XIRP2: variants seen among roughly 807,000 people sequenced by gnomAD.
XIRP2 encodes the protein xin actin-binding repeat-containing protein 2.
Under a neutral mutation model 277.0 loss-of-function variants are expected in XIRP2, and 236 were observed. The observed-to-expected ratio is 0.85, with a 90% CI of 0.77 to 0.95. The LOEUF (loss-of-function observed/expected upper bound fraction) is 0.95, where lower values mean the gene tolerates loss of function less well. Among genes scored for constraint, XIRP2 ranks in the 40% least tolerant of loss-of-function variants. The pLI is 0.00. For synonymous variants in XIRP2, 1,490 were observed against 1,416.5 expected, an observed-to-expected ratio of 1.05 and a Z score of -1.17; for missense variants, 4,640 against 4,157.5, an observed-to-expected ratio of 1.12 and a Z score of -3.19.
chr2:167,169,375 G>T (rs1027946022), intron 3 of XIRP2, among the ~76,000 whole-genome samples: 1 of 152,174 alleles, frequency 6.6e-6, no homozygotes, highest in African/African-American at 2.4e-5. Context: ...TCTCAGAGTA[G>T]TCCACACTGG....
chr2:167,083,081 T>C (rs1689794725), intron 2 of XIRP2, among the ~76,000 whole-genome samples: 1 of 152,220 alleles, frequency 6.6e-6, no homozygotes, highest in African/African-American at 2.4e-5. Flanking sequence ...GTTTTAGGTC[T>C]AACATTTAAG....
chr2:167,254,256 G>C, intron 10 of XIRP2, 91 bp downstream of exon 10: 1 of 1,332,682 alleles, frequency 7.5e-7, no homozygotes, highest in Non-Finnish European at 9.7e-7. Flanking sequence ...CATTTTTCCA[G>C]ATCTTGTTGC....
At chr2:167,202,997 C>T (rs890584961) in intron 3 of XIRP2, among the ~76,000 whole-genome samples, 5 of 152,174 alleles carry the variant, frequency 3.3e-5, no homozygotes, top group African/African-American at 1.2e-4. Context: ...TTTTCTCTCC[C>T]ATTTCAGTCA....
chr2:167,249,259 G>T lies in XIRP2; in HGVS notation c.7867G>T (p.Val2623Leu). The change falls in exon 9 of 11, where the codon GTG becomes TTG. Residue 2623 changes from valine to leucine, a missense_variant. Transcript: ENST00000409195. ...GSQSNARILG[V>L]CSDNQLSTTS... ...TCAAAGTAATGCTCGGATACTAGGA[G>T]TGTGTTCTGATAACCAACTCTCCAC... 1 of 1,613,798 alleles carries T rather than the reference G, an allele frequency of 6.2e-7. No homozygotes were observed. Among genetic ancestry groups the T allele is most frequent in the Non-Finnish European group, 8.5e-7 (1 of 1,179,798 alleles).
At chr2:167,037,125 A>G (rs867861559) in intron 2 of XIRP2, among the ~76,000 whole-genome samples, 1 of 152,284 alleles carries the variant, frequency 6.6e-6, no homozygotes, top group African/African-American at 2.4e-5. Flanking sequence ...TCAGCACTCC[A>G]CTTTCAGCAT....
intron 3 of XIRP2, among the ~76,000 whole-genome samples, chr2:167,141,373 A>T (rs968376910): frequency 3.3e-5 from 5 of 152,162 alleles, no homozygotes; most frequent in African/African-American, 1.2e-4. Context: ...AATGAAAGAC[A>T]AAAAGAAAAA....
intron 3 of XIRP2, among the ~76,000 whole-genome samples, chr2:167,209,424 A>C (rs1402793686): frequency 1.3e-5 from 2 of 152,074 alleles, no homozygotes; most frequent in East Asian, 3.9e-4. Context: ...TTGAGGGAGG[A>C]GAGAGGAAGA....
intron 2 of XIRP2, among the ~76,000 whole-genome samples, chr2:167,092,835 G>C (rs1415174953): frequency 2.0e-5 from 3 of 152,174 alleles, no homozygotes; most frequent in Middle Eastern, 3.4e-3. Context: ...GCCAGATACT[G>C]ATCCAGAAAA....
chr2:166,944,338 C>G lies in XIRP2; in HGVS notation c.408+40448C>G, dbSNP rs1172963396. ...TCTCCAAAGAAAATAATTCTGCCTC[C>G]TGTTCGTAAGTTGCCTCATAGAAGT... On this transcript the variant is annotated intron_variant, in intron 2 of 10. Coordinates refer to ENST00000409195, the MANE Select transcript of XIRP2 (RefSeq NM_152381.6). Among the ~76,000 whole-genome samples, 5 of 152,290 alleles carry G rather than the reference C, an allele frequency of 3.3e-5. No homozygotes were observed. The South Asian group carries it at 1.0e-3, about 32-fold the overall frequency.
intron 2 of XIRP2, among the ~76,000 whole-genome samples, chr2:167,080,542 A>T (rs1301158781): frequency 2.0e-5 from 3 of 152,228 alleles, no homozygotes; most frequent in Non-Finnish European, 4.4e-5. Context: ...GGCATGAAGT[A>T]TATTCAATTC....
intron 2 of XIRP2, among the ~76,000 whole-genome samples, chr2:167,073,982 C>T (rs1689499812): frequency 6.6e-6 from 1 of 152,136 alleles, no homozygotes; most frequent in Non-Finnish European, 1.5e-5. Flanking sequence ...TAGTTAACAA[C>T]ATCATTCTCT....
intron 5 of XIRP2, among the ~76,000 whole-genome samples, chr2:167,232,703 CTT>C (rs1324021139): frequency 3.3e-5 from 5 of 151,884 alleles, no homozygotes; most frequent in African/African-American, 1.2e-4. Flanking sequence ...AATATACTAA[CTT>C]ATTTCTTCTT....
intron 2 of XIRP2, among the ~76,000 whole-genome samples, chr2:166,968,517 A>G (rs1421323333): frequency 6.6e-6 from 1 of 151,970 alleles, no homozygotes; most frequent in African/African-American, 2.4e-5. Flanking sequence ...AGATTTCTCA[A>G]CCACTTTGTG....
At chr2:166,981,794 GA>G (rs915063100) in intron 2 of XIRP2, among the ~76,000 whole-genome samples, 2 of 152,182 alleles carry the variant, frequency 1.3e-5, no homozygotes, top group African/African-American at 4.8e-5. Context: ...CATATACGAA[GA>G]CCCTATTTCC....
At chr2:167,229,900 G>C (rs1430186909) in intron 5 of XIRP2, among the ~76,000 whole-genome samples, 1 of 152,156 alleles carries the variant, frequency 6.6e-6, no homozygotes, top group East Asian at 1.9e-4. Flanking sequence ...TCTTCTGCTA[G>C]GAGCTTTTTC....
intron 2 of XIRP2, among the ~76,000 whole-genome samples, chr2:166,979,880 G>A (rs936792850): frequency 2.2e-5 from 3 of 139,260 alleles, no homozygotes; most frequent in Non-Finnish European, 4.6e-5. Flanking sequence ...GATAATGTTG[G>A]CCTAAAAAGT....
chr2:167,021,567 A>C (rs1172174031), intron 2 of XIRP2, among the ~76,000 whole-genome samples: 1 of 152,092 alleles, frequency 6.6e-6, no homozygotes, highest in African/African-American at 2.4e-5. Context: ...AAAGATTTAC[A>C]GCTATCTGCA....
intron 3 of XIRP2, among the ~76,000 whole-genome samples, chr2:167,186,945 G>A (rs16853179): frequency 0.099 from 15,010 of 151,954 alleles, 798 homozygotes; most frequent in South Asian, 0.16. Context: ...GAAAAGCAAT[G>A]TCTCCTCTTC....
intron 3 of XIRP2, 47 bp downstream of exon 3, chr2:167,136,109 A>C: frequency 6.7e-7 from 1 of 1,484,660 alleles, no homozygotes; most frequent in Non-Finnish European, 8.9e-7. Flanking sequence ...TACCTTGTAC[A>C]ACATGAGTGG....
Sources: allele counts gnomAD v4.1 joint callset (sites outside exome capture counted in the v4.1 genomes callset), GRCh38; gene constraint gnomAD v4.1.1; transcripts MANE v1.5; gene names NCBI Gene and HGNC (gene_info 2026-07-23, HGNC 2026-07-21).